Variants in RSPH3 observed in about 807,000 individuals in gnomAD.
The protein encoded by RSPH3 is radial spoke head 3.
Under a neutral mutation model 43.8 loss-of-function variants are expected in RSPH3, and 21 were observed. The observed-to-expected ratio is 0.48, with a 90% CI of 0.34 to 0.69. The LOEUF (loss-of-function observed/expected upper bound fraction) is 0.69. RSPH3 is among the 30% of genes least tolerant of loss of function. The pLI is 0.01. For synonymous variants in RSPH3, 173 were observed against 179.8 expected, an observed-to-expected ratio of 0.96 and a Z score of 0.30; for missense variants, 487 against 516.0, an observed-to-expected ratio of 0.94 and a Z score of 0.54.
chr6:158,971,501 G>T (rs1006928097), downstream of RSPH3, among the ~76,000 whole-genome samples: 6 of 152,168 alleles, frequency 3.9e-5, no homozygotes, highest in Non-Finnish European at 8.8e-5. Context: ...AGGACATGCT[G>T]AAGAATACTC....
chr6:158,981,484 C>G (rs1429855287), intron 5 of RSPH3, among the ~76,000 whole-genome samples: 3 of 152,182 alleles, frequency 2.0e-5, no homozygotes, highest in Non-Finnish European at 4.4e-5. Context: ...AATCTATTTT[C>G]AAACTTTAAA....
rs567753263 is a variant in RSPH3 at position 158,973,444 on chromosome 6, G to T, written c.*4094C>A. 1 of 152,100 alleles carries T rather than the reference G, an allele frequency of 6.6e-6. No homozygotes were observed. Among genetic ancestry groups the T allele is most frequent in the Non-Finnish European group, 1.5e-5 (1 of 68,012 alleles). The allele number at this position is 152,100 out of a possible 1,614,324, so 9.4% of individuals were successfully genotyped here. The stretch of plus-strand genomic sequence containing the variant: ...AAATGCTGCTTCCCCAACTATGACC[G>T]CCATTATAACTTTTAATGGAATTAT... On this transcript the variant is annotated 3_prime_UTR_variant, in exon 8 of 8. Coordinates refer to ENST00000367069, the MANE Select transcript of RSPH3 (RefSeq NM_031924.8).
chr6:158,972,431 T>C (rs1777703827), downstream of RSPH3, among the ~76,000 whole-genome samples: 1 of 152,176 alleles, frequency 6.6e-6, no homozygotes, highest in Admixed American at 6.5e-5. Flanking sequence ...CAGAGAACTT[T>C]AGGGCGAGAT....
Position 158,989,106 on chromosome 6 carries a change from G to A in RSPH3, c.205-2685C>T, listed in dbSNP as rs994731420. ...CTGTCACCCTGGCTGGAGTGCAGTG[G>A]TGTGATCTTGGCTCACTGCAACCTC... On this transcript the variant is annotated intron_variant, in intron 2 of 7. Transcript: ENST00000367069. The surrounding 1 kb of genome is among the most constrained non-coding windows in gnomAD (Gnocchi z 4.3). Among the ~76,000 whole-genome samples, 1 of 120,708 alleles carries A rather than the reference G, an allele frequency of 8.3e-6. No individual in the cohort carries two copies. Among genetic ancestry groups the A allele is most frequent in the African/African-American group, 2.8e-5 (1 of 35,384 alleles). The allele number at this position is 120,708 out of a possible 152,430, so 79.2% of individuals were successfully genotyped here.
chr6:158,995,379 G>C (rs1466835485), intron 1 of RSPH3, among the ~76,000 whole-genome samples: 1 of 152,076 alleles, frequency 6.6e-6, no homozygotes, highest in Non-Finnish European at 1.5e-5. Flanking sequence ...TCAGAATTCT[G>C]CAATTTAGAT....
chr6:158,995,700 T>C (rs1778567801), intron 1 of RSPH3, among the ~76,000 whole-genome samples: 1 of 152,102 alleles, frequency 6.6e-6, no homozygotes, highest in Non-Finnish European at 1.5e-5. Flanking sequence ...GTTCATGCCA[T>C]TCTCCTGCCT....
At position 158,977,791 on chromosome 6, in the gene RSPH3, G is replaced by A. The variant is rs367790514; in HGVS notation, c.1004C>T (p.Thr335Ile). Residue 335 changes from threonine (T) to isoleucine (I), a missense_variant, in exon 8 of 8, where the codon ACA becomes ATA. Coordinates refer to ENST00000367069, the MANE Select transcript of RSPH3 (RefSeq NM_031924.8). ...RLCMYEHGEDTHQSPEPEDEP... is the reference protein window; with the variant it reads ...RLCMYEHGEDIHQSPEPEDEP... The stretch of plus-strand genomic sequence containing the variant: ...ATCCTCGGGTTCTGGAGACTGATGT[G>A]TGTCTTCCCCATGCTCATACATACA... 43 of 1,614,118 alleles carry A rather than the reference G, an allele frequency of 2.7e-5. No individual in the cohort carries two copies. The African/African-American group carries it at 4.9e-4, about 19-fold the overall frequency.
intron 2 of RSPH3, among the ~76,000 whole-genome samples, chr6:158,987,523 T>C (rs1778272940): frequency 6.6e-6 from 1 of 152,246 alleles, no homozygotes; most frequent in Admixed American, 6.5e-5. Flanking sequence ...TTTCTGGTTG[T>C]TTTGTATCTC....
intron 6 of RSPH3, among the ~76,000 whole-genome samples, chr6:158,979,757 A>G (rs957630215): frequency 2.6e-5 from 4 of 152,194 alleles, no homozygotes; most frequent in African/African-American, 9.7e-5. Flanking sequence ...CTGGCCAACA[A>G]AATAGGACCT....
In RSPH3 at chr6:158,980,930, G is replaced by A. The variant is rs778108869; in HGVS notation, c.703C>T (p.Arg235Cys). 6 of 1,613,890 alleles carry A rather than the reference G, an allele frequency of 3.7e-6. No homozygotes were observed. Among genetic ancestry groups the A allele is most frequent in the Non-Finnish European group, 4.2e-6 (5 of 1,179,880 alleles). Reference protein sequence around the residue: ...ERRHREEKERRKKQQWEIMHK... With the variant: ...ERRHREEKERCKKQQWEIMHK... ...ATTATTTCCCACTGCTGTTTCTTAC[G>A]CCGTTCCTGCCAAGAACGACAGAGG... The change falls in exon 6 of 8, where the codon CGT becomes TGT. Residue 235 changes from arginine (R) to cysteine (C), a missense_variant. Arg to Cys is a radical substitution (Grantham distance 180). Transcript: ENST00000367069.
At chr6:158,969,524 C>T (rs907017276), downstream of RSPH3, among the ~76,000 whole-genome samples, 20 of 152,156 alleles carry the variant, frequency 1.3e-4, no homozygotes, top group East Asian at 7.7e-4. Flanking sequence ...GTTCACTGAA[C>T]GTCTTGAATG....
intron 3 of RSPH3, among the ~76,000 whole-genome samples, chr6:158,984,874 TG>T (rs1474600687): frequency 6.6e-6 from 1 of 152,164 alleles, no homozygotes; most frequent in Non-Finnish European, 1.5e-5. Context: ...AATATTCTGA[TG>T]GTGTAAAGAA....
intron 4 of RSPH3, 23 bp downstream of exon 4, chr6:158,983,639 G>A (rs1241433805): frequency 6.3e-7 from 1 of 1,591,126 alleles, no homozygotes; most frequent in Non-Finnish European, 8.6e-7. Context: ...ATTATAGAGG[G>A]AAGCCCAAAG....
Position 158,975,265 on chromosome 6 carries a change from G to C in RSPH3, c.*2273C>G, listed in dbSNP as rs540324859. The stretch of plus-strand genomic sequence containing the variant: ...AAAATTAATATCTTATAAATGTTAG[G>C]ATGATCATAAAGACTGTTTAACAAG... On this transcript the variant is annotated 3_prime_UTR_variant, in exon 8 of 8. Transcript: ENST00000367069. The C allele has an allele frequency of 1.3e-5, 2 of 152,254 alleles. No individual in the cohort carries two copies. Among genetic ancestry groups the C allele is most frequent in the African/African-American group, 4.8e-5 (2 of 41,550 alleles). The allele number at this position is 152,254 out of a possible 1,614,324, so 9.4% of individuals were successfully genotyped here.
Position 158,975,201 on chromosome 6 carries a change from C to T in RSPH3, c.*2337G>A, listed in dbSNP as rs1328824748. On this transcript the variant is annotated 3_prime_UTR_variant, in exon 8 of 8. Transcript: ENST00000367069. ...TAAAATTGGTAATAACAATAATAAT[C>T]AGCAATAGCCCTAATTAAAAATTTT... 5 of 152,134 alleles carry T rather than the reference C, an allele frequency of 3.3e-5. No individual in the cohort carries two copies. Among genetic ancestry groups the T allele is most frequent in the Non-Finnish European group, 7.4e-5 (5 of 68,024 alleles). 9.4% of individuals were successfully genotyped at this position (152,134 alleles called of 1,614,324 possible). A position where few individuals can be genotyped will look rare whatever the true frequency, so the allele number is the denominator to read the frequency against.
Position 158,983,742 on chromosome 6 carries a change from A to G in RSPH3, c.412T>C (p.Phe138Leu). The G allele has an allele frequency of 6.2e-7, 1 of 1,611,190 alleles. No individual in the cohort carries two copies. The highest frequency in any genetic ancestry group is 8.5e-7 in the Non-Finnish European group (1 of 1,177,342). Residue 138 changes from phenylalanine (F) to leucine (L), a missense_variant, in exon 4 of 8, where the codon TTT becomes CTT. Coordinates refer to ENST00000367069, the MANE Select transcript of RSPH3 (RefSeq NM_031924.8). ...AGTGGTGTTGGTGGTCTGTCCAAAA[A>G]TGCATCTGTTTGGCATTCCATATCA... ...EVDMECQTDA[F>L]LDRPPTPLFI...
chr6:158,996,031 A>G (rs1464736639), intron 1 of RSPH3, among the ~76,000 whole-genome samples: 2 of 152,180 alleles, frequency 1.3e-5, no homozygotes, highest in African/African-American at 2.4e-5. Flanking sequence ...CTTTTACCAC[A>G]TAACATGTTC....
Position 158,977,729 on chromosome 6 carries a change from C to T in RSPH3, c.1066G>A (p.Glu356Lys). Residue 356 changes from glutamate (E) to lysine (K), a missense_variant, in exon 8 of 8, where the codon GAG becomes AAG. Coordinates refer to ENST00000367069, the MANE Select transcript of RSPH3 (RefSeq NM_031924.8). ...GGPGAMTESL[E>K]ASEFLEQSMS... Reference sequence around the variant, plus strand: ...CTCTGCTCCAGGAATTCAGAGGCCTCCAGTGACTCTGTCATTGCTCCAGGA... The same window carrying T: ...CTCTGCTCCAGGAATTCAGAGGCCTTCAGTGACTCTGTCATTGCTCCAGGA... 1 of 1,614,128 alleles carries T rather than the reference C, an allele frequency of 6.2e-7. No homozygotes were observed. The highest frequency in any genetic ancestry group is 8.5e-7 in the Non-Finnish European group (1 of 1,179,966).
Position 158,980,865 on chromosome 6 carries a change from T to C in RSPH3, c.768A>G (p.Arg256=), listed in dbSNP as rs1313284967. 1 of 1,614,164 alleles carries C rather than the reference T, an allele frequency of 6.2e-7. No individual in the cohort carries two copies. Among genetic ancestry groups the C allele is most frequent in the East Asian group, 2.2e-5 (1 of 44,878 alleles). The change falls in exon 6 of 8, where the codon CGA becomes CGG. Residue 256 remains arginine (R), a synonymous_variant. Transcript: ENST00000367069. The part of the protein sequence containing the change: ...HNETSQKIAA[R]AFAQRYLADL... Reference sequence around the variant, plus strand: ...CAGCCAGGTAACGCTGTGCAAATGCTCGGGCGGCGATTTTTTGTGATGTCT... The same window carrying C: ...CAGCCAGGTAACGCTGTGCAAATGCCCGGGCGGCGATTTTTTGTGATGTCT...
Sources: gnomAD v4.1 joint callset for allele counts (sites outside exome capture counted in the v4.1 genomes callset) on GRCh38, gnomAD v4.1.1 for gene constraint, Gnocchi (gnomAD v3.1) non-coding constraint, MANE v1.5 for transcripts, NCBI Gene and HGNC (gene_info 2026-07-23, HGNC 2026-07-21) for gene names.